The following MYCBP2 variants were observed in gnomAD, a reference collection of about 807,000 sequenced individuals.
MYCBP2 encodes E3 ubiquitin-protein ligase MYCBP2.
In MYCBP2, 120 loss-of-function variants were observed where a neutral mutation model predicts 525.3. The ratio of observed to expected loss-of-function variants is 0.23; its 90% CI spans 0.20 to 0.27. The LOEUF (loss-of-function observed/expected upper bound fraction) is 0.27. MYCBP2 is among the 10% of genes least tolerant of loss of function. MYCBP2 has a pLI of 1.00. For missense variants in MYCBP2, 4,149 were observed against 5,657.1 expected, an observed-to-expected ratio of 0.73 and a Z score of 8.55; for synonymous variants, 1,894 against 1,955.8, an observed-to-expected ratio of 0.97 and a Z score of 0.83.
intron 58 of MYCBP2, among the ~76,000 whole-genome samples, chr13:77,094,770 T>G (rs781332326): frequency 6.6e-6 from 1 of 152,098 alleles, no homozygotes. Context: ...TCTGATTTCC[T>G]GGGGAAGATT....
chr13:77,302,445 T>G (rs752623493), intron 1 of MYCBP2, among the ~76,000 whole-genome samples: 1 of 152,040 alleles, frequency 6.6e-6, no homozygotes. Context: ...CCTGGAATCA[T>G]GTAACCTTTA....
At chr13:77,125,582 A>G in intron 53 of MYCBP2, 114 bp from the exon 54 acceptor site, 1 of 1,145,568 alleles carries the variant, frequency 8.7e-7, no homozygotes, top group Non-Finnish European at 1.2e-6. Flanking sequence ...ATACATTTCT[A>G]CTAAGAAATT....
At position 77,077,304 on chromosome 13, in the gene MYCBP2, TTTTAA is replaced by T; in HGVS notation, c.11563_11567del (p.Leu3855ArgfsTer20). On this transcript the variant is annotated frameshift_variant, in exon 67 of 83. Coordinates refer to ENST00000544440, the MANE Select transcript of MYCBP2 (RefSeq NM_015057.5). LOFTEE classifies it high-confidence loss of function. ...GAACTCTCAGTGTATTTTCTGGGCC[TTTTAA>T]TTCAATTTTTATGATGTGATTATCC... 1 of 1,614,022 alleles carries T rather than the reference TTTTAA, an allele frequency of 6.2e-7. No homozygotes were observed. The highest frequency in any genetic ancestry group is 8.5e-7 in the Non-Finnish European group (1 of 1,179,930).
chr13:77,170,455 T>C (rs1425000180), intron 38 of MYCBP2, among the ~76,000 whole-genome samples: 3 of 152,238 alleles, frequency 2.0e-5, no homozygotes, highest in Non-Finnish European at 2.9e-5. Context: ...AATAGTTTTT[T>C]AGCCTAGCTT....
chr13:77,100,998 C>T (rs2046983707), intron 55 of MYCBP2, among the ~76,000 whole-genome samples: 1 of 152,152 alleles, frequency 6.6e-6, no homozygotes, highest in South Asian at 2.1e-4. Context: ...CAGCATATGG[C>T]AAATTTGGTA....
At position 77,081,603 on chromosome 13, in the gene MYCBP2, T is replaced by C. The variant is rs745677034; in HGVS notation, c.11242A>G (p.Ile3748Val). 1.2e-6 allele frequency: 2 copies of C among 1,613,824 alleles called. No individual in the cohort carries two copies. The highest frequency in any genetic ancestry group is 1.7e-6 in the Non-Finnish European group (2 of 1,179,888). ...ATGGCAGGTCGGCTTGAAGTTTTTA[T>C]GTCAACAATGCTGGTTAAGTCCTTT... ...CLKDLTSIVD[I>V]KTSSRPAMIG... The change falls in exon 65 of 83, where the codon ATA (isoleucine) becomes GTA (valine). Residue 3748 changes from isoleucine (I) to valine (V), a missense_variant. Physicochemically the swap from Ile to Val is conservative, Grantham distance 29. Coordinates refer to ENST00000544440, the MANE Select transcript of MYCBP2 (RefSeq NM_015057.5). This position sits in a 1 kb window ranked among gnomAD's most constrained non-coding sequence, Gnocchi z 4.6.
intron 71 of MYCBP2, among the ~76,000 whole-genome samples, chr13:77,066,607 T>A (rs1008426589): frequency 2.6e-5 from 4 of 152,214 alleles, no homozygotes; most frequent in African/African-American, 9.6e-5. Context: ...CATATATACC[T>A]TGGTGCAAAT....
intron 44 of MYCBP2, among the ~76,000 whole-genome samples, chr13:77,160,105 T>C (rs1359923136): frequency 6.6e-6 from 1 of 151,570 alleles, no homozygotes; most frequent in Admixed American, 6.6e-5. Flanking sequence ...TCACTCTTGT[T>C]GCCTGGGCTG....
intron 68 of MYCBP2, among the ~76,000 whole-genome samples, chr13:77,073,487 A>C (rs2041738225): frequency 1.3e-5 from 2 of 152,184 alleles, no homozygotes; most frequent in Admixed American, 1.3e-4. Flanking sequence ...AACAAGTCAG[A>C]GCTATCTGTT....
At chr13:77,283,686 C>A (rs191509196) in intron 3 of MYCBP2, among the ~76,000 whole-genome samples, 38 of 152,230 alleles carry the variant, frequency 2.5e-4, no homozygotes, top group African/African-American at 7.7e-4. Context: ...TGCTTGAGCT[C>A]AAGAGTTCGA....
chr13:77,122,218 C>T (rs1350332108), intron 54 of MYCBP2, among the ~76,000 whole-genome samples: 1 of 151,918 alleles, frequency 6.6e-6, no homozygotes, highest in Non-Finnish European at 1.5e-5. Context: ...TGATATAAAA[C>T]AATACCTTAG....
chr13:77,253,348 A>T (rs2071552985), intron 14 of MYCBP2, among the ~76,000 whole-genome samples: 1 of 151,952 alleles, frequency 6.6e-6, no homozygotes, highest in African/African-American at 2.4e-5. Flanking sequence ...TATTCATAAT[A>T]ACCAAAACTG....
intron 81 of MYCBP2, 51 bp downstream of exon 81, chr13:77,051,760 A>C (rs2036869237): frequency 7.5e-7 from 1 of 1,341,652 alleles, no homozygotes; most frequent in Non-Finnish European, 1.1e-6. Flanking sequence ...TTAAAAAATA[A>C]TACTATTTAA....
intron 52 of MYCBP2, among the ~76,000 whole-genome samples, chr13:77,131,511 CAAACAA>C (rs2052810249): frequency 1.5e-5 from 1 of 64,736 alleles, no homozygotes; most frequent in East Asian, 3.5e-4. Context: ...CACACACACA[CAAACAA>C]ACACACACAC....
chr13:77,178,865 G>T (rs886381070), intron 34 of MYCBP2, among the ~76,000 whole-genome samples: 3 of 150,862 alleles, frequency 2.0e-5, no homozygotes, highest in Non-Finnish European at 4.4e-5. Flanking sequence ...TTTGGAAGGG[G>T]ATCTACACAT....
chr13:77,214,732 C>T (rs1391975771), intron 21 of MYCBP2, among the ~76,000 whole-genome samples: 1 of 152,126 alleles, frequency 6.6e-6, no homozygotes, highest in Non-Finnish European at 1.5e-5. Flanking sequence ...TATGGTGTAG[C>T]CTATTGCTCC....
intron 26 of MYCBP2, among the ~76,000 whole-genome samples, chr13:77,202,335 C>T (rs2062715848): frequency 6.6e-6 from 1 of 152,198 alleles, no homozygotes; most frequent in South Asian, 2.1e-4. Context: ...TCTCCCAAGA[C>T]TAAACCAGGA....
chr13:77,299,943 A>G (rs1344126512), intron 1 of MYCBP2, among the ~76,000 whole-genome samples: 1 of 152,212 alleles, frequency 6.6e-6, no homozygotes, highest in Non-Finnish European at 1.5e-5. Context: ...AGAAAAATCA[A>G]ATACTTCTGC....
intron 37 of MYCBP2, among the ~76,000 whole-genome samples, chr13:77,172,906 C>T (rs904929273): frequency 1.2e-4 from 19 of 152,358 alleles, no homozygotes; most frequent in African/African-American, 4.3e-4. Flanking sequence ...TGACTCTAGA[C>T]AATTCAGCGT....
Sources: gnomAD v4.1 joint callset for allele counts (sites outside exome capture counted in the v4.1 genomes callset) on GRCh38, gnomAD v4.1.1 for gene constraint, Gnocchi (gnomAD v3.1) non-coding constraint, MANE v1.5 for transcripts, NCBI Gene and HGNC (gene_info 2026-07-23, HGNC 2026-07-21) for gene names.